Variants in OTOG observed in about 807,000 individuals in gnomAD.
The protein encoded by OTOG is otogelin.
In OTOG, 296 loss-of-function variants were observed where a neutral mutation model predicts 313.8. That is an observed-to-expected ratio of 0.94 (90% CI 0.86 to 1.04). OTOG has a LOEUF of 1.04. Among genes scored for constraint, OTOG ranks in the 50% least tolerant of loss-of-function variants. The pLI is 0.00. For synonymous variants in OTOG, 1,533 were observed against 1,554.9 expected, an observed-to-expected ratio of 0.99 and a Z score of 0.33; for missense variants, 3,948 against 3,840.1, an observed-to-expected ratio of 1.03 and a Z score of -0.74.
chr11:17,578,233 C>T, intron 22 of OTOG, 140 bp from the exon 23 acceptor site: 2 of 1,387,496 alleles, frequency 1.4e-6, no homozygotes, highest in East Asian at 2.7e-5. Flanking sequence ...ATCTGGGAAA[C>T]CAAGCAATGC....
At chr11:17,553,025 G>C in intron 4 of OTOG, 94 bp from the exon 5 acceptor site, 2 of 1,128,554 alleles carry the variant, frequency 1.8e-6, no homozygotes, top group Non-Finnish European at 2.6e-6. Context: ...TGCCTGTTAT[G>C]GGGGTCTGGA....
At chr11:17,596,728 A>G in intron 29 of OTOG, 123 bp from the exon 30 acceptor site, 1 of 822,646 alleles carries the variant, frequency 1.2e-6, no homozygotes, top group East Asian at 2.7e-5. Context: ...ACACCTCATG[A>G]GACAGGATAG....
At chr11:17,549,543 G>A (rs1851888426) in intron 3 of OTOG, among the ~76,000 whole-genome samples, 1 of 152,186 alleles carries the variant, frequency 6.6e-6, no homozygotes, top group Non-Finnish European at 1.5e-5. Context: ...TTGTAGGTAG[G>A]GAAATTGAGG....
chr11:17,581,116 A>G (rs1047019693), intron 23 of OTOG, among the ~76,000 whole-genome samples: 1 of 152,196 alleles, frequency 6.6e-6, no homozygotes, highest in African/African-American at 2.4e-5. Flanking sequence ...GCAGTTTCTT[A>G]TATAAACATG....
chr11:17,578,245 C>G, intron 22 of OTOG, 128 bp from the exon 23 acceptor site: 1 of 1,406,034 alleles, frequency 7.1e-7, no homozygotes, highest in Non-Finnish European at 9.2e-7. Context: ...AAGCAATGCC[C>G]AGGAGCGACC....
Position 17,576,880 on chromosome 11 carries a change from TG to T in OTOG, c.2576del (p.Gly859GlufsTer3). 1 of 1,550,394 alleles carries T rather than the reference TG, an allele frequency of 6.4e-7. No homozygotes were observed. ...TCTCTCTCTGCAGCCACTGCAAAGA[TG>T]GAGTCATGAGCTGTGATAGCAGAGC... is the stretch of plus-strand genomic sequence containing the variant. ...PSLGHCHCKD[G>X]VMSCDSRAPA... On this transcript the variant is annotated frameshift_variant, in exon 22 of 56. Transcript: ENST00000399397. LOFTEE classifies it high-confidence loss of function.
At chr11:17,636,759 C>G (rs961617629) in intron 47 of OTOG, among the ~76,000 whole-genome samples, 1 of 151,900 alleles carries the variant, frequency 6.6e-6, no homozygotes, top group African/African-American at 2.4e-5. Flanking sequence ...CGGGGGGCAG[C>G]CTAGTCCTAT....
chr11:17,643,351 G>A (rs935762362), intron 53 of OTOG, 110 bp from the exon 54 acceptor site: 65 of 696,124 alleles, frequency 9.3e-5, no homozygotes, highest in South Asian at 4.7e-4. Flanking sequence ...GGGGCATCAC[G>A]GGGAGAGAAG....
In OTOG at chr11:17,612,094, C is replaced by G. The variant is rs548357279; in HGVS notation, c.6124-68C>G. The G allele has an allele frequency of 3.1e-5, 47 of 1,520,808 alleles. No homozygotes were observed. The African/African-American group carries it at 6.2e-4, about 20-fold the overall frequency. The allele number at this position is 1,520,808 out of a possible 1,614,324, so 94.2% of individuals were successfully genotyped here. A position where few individuals can be genotyped will look rare whatever the true frequency, so the allele number is the denominator to read the frequency against. On this transcript the variant is annotated intron_variant, in intron 36 of 55. Transcript: ENST00000399397. ...CCTACATGTGGGAAGGATCTGGTGC[C>G]ATCACAGCTTGCAGGGTGGGCTGTA...
At chr11:17,613,973 G>A (rs1853663348) in intron 39 of OTOG, among the ~76,000 whole-genome samples, 1 of 152,132 alleles carries the variant, frequency 6.6e-6, no homozygotes, top group Non-Finnish European at 1.5e-5. Context: ...AAGAGACAGT[G>A]GGTTTAAATA....
intron 15 of OTOG, among the ~76,000 whole-genome samples, chr11:17,562,010 G>T: frequency 6.9e-6 from 1 of 144,660 alleles, no homozygotes; most frequent in South Asian, 2.2e-4. Flanking sequence ...GACCTCAGTG[G>T]GTTTTTGGTT....
intron 42 of OTOG, 27 bp from the exon 43 acceptor site, chr11:17,633,653 G>A: frequency 6.7e-7 from 1 of 1,497,946 alleles, no homozygotes. Context: ...GTCTGAGGTA[G>A]GCCTGGTGCC....
At chr11:17,571,984 G>A in intron 17 of OTOG, 96 bp from the exon 18 acceptor site, 1 of 1,474,266 alleles carries the variant, frequency 6.8e-7, no homozygotes, top group Non-Finnish European at 9.2e-7. Context: ...CTATGTGTGT[G>A]TATATGAGCA....
At chr11:17,592,130 A>G (rs1030918053) in intron 25 of OTOG, among the ~76,000 whole-genome samples, 7 of 152,094 alleles carry the variant, frequency 4.6e-5, no homozygotes, top group Admixed American at 3.9e-4. Context: ...CACCTGGAGG[A>G]AGAAAACTGG....
At position 17,606,018 on chromosome 11, in the gene OTOG, G is replaced by A; in HGVS notation, c.4039G>A (p.Ala1347Thr). The A allele has an allele frequency of 6.4e-7, 1 of 1,550,574 alleles. No homozygotes were observed. Among genetic ancestry groups the A allele is most frequent in the Non-Finnish European group, 8.7e-7 (1 of 1,147,006 alleles). ...GGGGACACGGCAGGCAGGCCTGGTG[G>A]CCCTGGAGTCCCTGGCCAAGCCCAG... The part of the protein sequence containing the change: ...HRGTRQAGLV[A>T]LESLAKPSSF... Residue 1347 changes from alanine (A) to threonine (T), a missense_variant, in exon 33 of 56, where the codon GCC (alanine) becomes ACC (threonine). By Grantham distance (58) the Ala-to-Thr change is moderately conservative. Transcript: ENST00000399397.
chr11:17,560,760 A>C lies in OTOG; in HGVS notation c.1394A>C (p.Glu465Ala). 3 of 1,550,630 alleles carry C rather than the reference A, an allele frequency of 1.9e-6. No homozygotes were observed. The highest frequency in any genetic ancestry group is 2.6e-6 in the Non-Finnish European group (3 of 1,146,998). Residue 465 changes from glutamate to alanine, a missense_variant, in exon 13 of 56, where the codon GAG becomes GCG. Glu to Ala is a moderately radical substitution (Grantham distance 107). Coordinates refer to ENST00000399397, the MANE Select transcript of OTOG (RefSeq NM_001292063.2). ...GTGGCACCAGCTGAGTGTCCCTGTG[A>C]GTTTCACGGGACTCTGTACCCACCT... ...GCVAPAECPC[E>A]FHGTLYPPGS...
chr11:17,559,853 GA>G (rs1408811336), intron 12 of OTOG, among the ~76,000 whole-genome samples, 191 bp downstream of exon 12: 1 of 144,242 alleles, frequency 6.9e-6, no homozygotes, highest in African/African-American at 2.6e-5. Context: ...AAGGAGGAAA[GA>G]AGGAAGGGAA....
intron 49 of OTOG, among the ~76,000 whole-genome samples, chr11:17,640,174 T>C (rs914715239): frequency 2.6e-5 from 4 of 152,132 alleles, no homozygotes; most frequent in Non-Finnish European, 4.4e-5. Flanking sequence ...TTCATGTGTA[T>C]TATTTATTCT....
In OTOG at chr11:17,608,316, G is replaced by T; in HGVS notation, c.4177G>T (p.Ala1393Ser). The T allele has an allele frequency of 6.5e-7, 1 of 1,542,920 alleles. No individual in the cohort carries two copies. The highest frequency in any genetic ancestry group is 8.7e-7 in the Non-Finnish European group (1 of 1,143,666). Residue 1393 changes from alanine (A) to serine (S), a missense_variant, in exon 34 of 56, where the codon GCC becomes TCC. By Grantham distance (99) the Ala-to-Ser change is moderately conservative. Coordinates refer to ENST00000399397, the MANE Select transcript of OTOG (RefSeq NM_001292063.2). ...TCTAGATGCCAAGCCCTCGGGGGCT[G>T]CCTACCCCATCTGCGAGTGGCGCTA... is the stretch of plus-strand genomic sequence containing the variant. ...RLLDAKPSGAAYPICEWRYDA... is the reference protein window; with the variant it reads ...RLLDAKPSGASYPICEWRYDA...
Sources: allele counts gnomAD v4.1 joint callset (sites outside exome capture counted in the v4.1 genomes callset), GRCh38; gene constraint gnomAD v4.1.1; transcripts MANE v1.5; gene names NCBI Gene and HGNC (gene_info 2026-07-23, HGNC 2026-07-21).